PAN3: variants seen among roughly 807,000 people sequenced by gnomAD.
PAN3 encodes the protein PAN2-PAN3 deadenylation complex subunit PAN3.
In PAN3, 19 loss-of-function variants were observed where a neutral mutation model predicts 96.2. That is an observed-to-expected ratio of 0.20 (90% CI 0.14 to 0.29). The LOEUF is 0.29. Among genes scored for constraint, PAN3 ranks in the 10% least tolerant of loss-of-function variants. PAN3 has a pLI of 1.00. For synonymous variants in PAN3, 433 were observed against 406.6 expected (o/e 1.06, Z -0.78); for missense variants, 882 against 1,108.1 (o/e 0.80, Z 2.90).
At chr13:28,289,489 G>T (rs1377286354) in intron 18 of PAN3, among the ~76,000 whole-genome samples, 3 of 152,106 alleles carry the variant, frequency 2.0e-5, no homozygotes, top group East Asian at 3.9e-4. Flanking sequence ...TGTTGCTCAG[G>T]CTGGTCCCAA....
chr13:28,261,744 A>G (rs1304772993), intron 9 of PAN3, among the ~76,000 whole-genome samples: 1 of 150,516 alleles, frequency 6.6e-6, no homozygotes, highest in African/African-American at 2.4e-5. Flanking sequence ...CAGGAGGATC[A>G]CTTGAGCCTT....
chr13:28,147,019 G>C (rs1422542044), intron 1 of PAN3, among the ~76,000 whole-genome samples: 2 of 152,054 alleles, frequency 1.3e-5, no homozygotes, highest in South Asian at 2.1e-4. Context: ...AAAAGGTACA[G>C]TAAAAATATA....
chr13:28,220,958 A>G (rs2138380588), intron 6 of PAN3, among the ~76,000 whole-genome samples: 1 of 152,254 alleles, frequency 6.6e-6, no homozygotes, highest in East Asian at 1.9e-4. Flanking sequence ...CCCATAATGT[A>G]CCCATAAAGT....
At chr13:28,281,811 G>A (rs1411274152) in intron 17 of PAN3, among the ~76,000 whole-genome samples, 5 of 135,146 alleles carry the variant, frequency 3.7e-5, no homozygotes, top group East Asian at 2.2e-4. Flanking sequence ...TCCCTCTGTC[G>A]CCAGGCTGGA....
intron 4 of PAN3, among the ~76,000 whole-genome samples, chr13:28,189,769 A>G (rs1876999080): frequency 1.3e-5 from 2 of 152,282 alleles, no homozygotes; most frequent in Non-Finnish European, 2.9e-5. Context: ...GCGTCTTTAG[A>G]AACACAGATT....
chr13:28,202,907 C>T (rs567373830), intron 5 of PAN3, among the ~76,000 whole-genome samples: 1 of 152,188 alleles, frequency 6.6e-6, no homozygotes, highest in Admixed American at 6.5e-5. Context: ...TTTGCACCAA[C>T]CCAGTATTTT....
intron 14 of PAN3, among the ~76,000 whole-genome samples, chr13:28,273,399 G>A (rs993236866): frequency 6.6e-6 from 1 of 151,978 alleles, no homozygotes; most frequent in African/African-American, 2.4e-5. Context: ...CTCAGGAGCT[G>A]GAGACCAGCC....
At chr13:28,267,245 A>C (rs760430614) in intron 11 of PAN3, 34 bp downstream of exon 11, 4 of 1,610,790 alleles carry the variant, frequency 2.5e-6, no homozygotes, top group Non-Finnish European at 3.4e-6. Context: ...TCTGCTGGTG[A>C]GCTTCATTAT....
intron 6 of PAN3, among the ~76,000 whole-genome samples, chr13:28,223,492 C>T (rs1331174885): frequency 6.6e-6 from 1 of 151,818 alleles, no homozygotes. Flanking sequence ...TTTTCTCTGG[C>T]AACAGCTTTT....
At chr13:28,139,807 G>A (rs1869438146) in intron 1 of PAN3, among the ~76,000 whole-genome samples, 1 of 152,086 alleles carries the variant, frequency 6.6e-6, no homozygotes, top group Non-Finnish European at 1.5e-5. Flanking sequence ...CTGGGATCCT[G>A]TCTTCTATAG....
At chr13:28,197,062 A>G (rs1434253281) in intron 4 of PAN3, 123 bp from the exon 5 acceptor site, 4 of 1,185,698 alleles carry the variant, frequency 3.4e-6, no homozygotes, top group Non-Finnish European at 4.5e-6. Flanking sequence ...TATTAGAAGG[A>G]GTGTTTTAGA....
intron 4 of PAN3, among the ~76,000 whole-genome samples, chr13:28,179,936 T>C (rs1168881429): frequency 2.0e-5 from 3 of 152,254 alleles, no homozygotes; most frequent in Non-Finnish European, 2.9e-5. Context: ...TAATTTATTT[T>C]AATACAATAA....
At chr13:28,274,217 G>GCC (rs1886872362) in intron 14 of PAN3, among the ~76,000 whole-genome samples, 5 of 152,040 alleles carry the variant, frequency 3.3e-5, no homozygotes, top group Admixed American at 3.3e-4. Flanking sequence ...GAGGGCATTT[G>GCC]CCCCCTCTTT....
At chr13:28,187,510 T>C (rs902700483) in intron 4 of PAN3, among the ~76,000 whole-genome samples, 3 of 152,200 alleles carry the variant, frequency 2.0e-5, no homozygotes, top group African/African-American at 7.2e-5. Context: ...TTCCAACTGA[T>C]TTTATTTTTG....
At chr13:28,240,802 T>C (rs1428890632) in intron 6 of PAN3, among the ~76,000 whole-genome samples, 1 of 152,250 alleles carries the variant, frequency 6.6e-6, no homozygotes, top group African/African-American at 2.4e-5. Flanking sequence ...AAGTAAAGGC[T>C]AGTATTATTT....
chr13:28,161,112 G>A (rs1030081000), intron 1 of PAN3, among the ~76,000 whole-genome samples: 3 of 152,014 alleles, frequency 2.0e-5, no homozygotes, highest in African/African-American at 7.2e-5. Flanking sequence ...TGAGCTTAAT[G>A]TTTGACTGAA....
In PAN3 at chr13:28,147,076, G is replaced by A. The variant is rs1240083151; in HGVS notation, c.430+7989G>A. On this transcript the variant is annotated intron_variant, in intron 1 of 18. Transcript: ENST00000380958. The stretch of plus-strand genomic sequence containing the variant: ...ACCGTCATACATTTGGTTTGTTATC[G>A]ACCAAAACATTGTTACCAACAAATC... 5.9e-5 allele frequency among the ~76,000 whole-genome samples: 9 copies of A among 152,014 alleles called. No individual in the cohort carries two copies. In the East Asian group the frequency reaches 9.6e-4, roughly 16 times the overall value.
At chr13:28,251,572 C>A (rs1884720929) in intron 6 of PAN3, among the ~76,000 whole-genome samples, 1 of 152,196 alleles carries the variant, frequency 6.6e-6, no homozygotes, top group South Asian at 2.1e-4. Context: ...CTTAAGACGT[C>A]ACCCCAGTCC....
intron 1 of PAN3, among the ~76,000 whole-genome samples, chr13:28,148,524 A>T (rs965642478): frequency 1.3e-5 from 2 of 152,206 alleles, no homozygotes; most frequent in Middle Eastern, 3.2e-3. Flanking sequence ...TTAGAAATGT[A>T]ATACATGCAC....
Sources: gnomAD v4.1 joint callset for allele counts (sites outside exome capture counted in the v4.1 genomes callset) on GRCh38, gnomAD v4.1.1 for gene constraint, MANE v1.5 for transcripts, NCBI Gene and HGNC (gene_info 2026-07-23, HGNC 2026-07-21) for gene names.